The following VWA8 variants were observed in gnomAD, a reference collection of about 807,000 sequenced individuals.
The protein encoded by VWA8 is von Willebrand factor A domain containing 8, also known as von Willebrand factor A domain-containing protein 8.
A neutral mutation model predicts 241.5 loss-of-function variants in VWA8; 221 were observed. The observed-to-expected ratio is 0.91, with a 90% CI of 0.82 to 1.02. VWA8 has a LOEUF of 1.02. Ranked by LOEUF, VWA8 falls within the 50% of genes least tolerant of loss-of-function variation. The probability of loss-of-function intolerance (pLI) is 0.00; values close to 1 mark genes in which losing one functional copy is unlikely to be tolerated. For missense variants in VWA8, 2,322 were observed against 2,328.7 expected (o/e 1.00, Z 0.06); for synonymous variants, 852 against 827.1 (o/e 1.03, Z -0.52).
intron 14 of VWA8, among the ~76,000 whole-genome samples, chr13:41,825,098 T>C (rs1871124997): frequency 6.6e-6 from 1 of 152,212 alleles, no homozygotes; most frequent in Non-Finnish European, 1.5e-5. Flanking sequence ...TATACAGACC[T>C]GCAGTCTAAC....
At chr13:41,894,910 A>G (rs772865576) in intron 4 of VWA8, among the ~76,000 whole-genome samples, 11 of 152,158 alleles carry the variant, frequency 7.2e-5, no homozygotes, top group Non-Finnish European at 1.3e-4. Flanking sequence ...AAATTGAGCA[A>G]CATTTTGCAA....
chr13:41,745,913 G>T (rs994896418), intron 21 of VWA8, among the ~76,000 whole-genome samples: 6 of 151,778 alleles, frequency 4.0e-5, no homozygotes, highest in Non-Finnish European at 7.4e-5. Flanking sequence ...GAATATCACT[G>T]ATTTCATCAT....
At chr13:41,608,165 AC>A (rs1399440811) in intron 39 of VWA8, among the ~76,000 whole-genome samples, 10 of 152,252 alleles carry the variant, frequency 6.6e-5, no homozygotes, top group Admixed American at 3.3e-4. Context: ...TTATAGGCCT[AC>A]CACTGGTGCG....
At chr13:41,905,023 T>C (rs1346619803) in intron 4 of VWA8, 1 of 152,146 alleles carries the variant, frequency 6.6e-6, no homozygotes, top group African/African-American at 2.4e-5. Context: ...GGATATTATG[T>C]GAATCACTAG....
chr13:41,741,951 T>C (rs999990221), intron 21 of VWA8, among the ~76,000 whole-genome samples: 9 of 152,190 alleles, frequency 5.9e-5, no homozygotes, highest in East Asian at 1.9e-4. Flanking sequence ...GTCCTGATTA[T>C]GGAATTTGAT....
intron 35 of VWA8, among the ~76,000 whole-genome samples, chr13:41,681,022 G>T (rs1417393900): frequency 6.6e-6 from 1 of 152,174 alleles, no homozygotes; most frequent in African/African-American, 2.4e-5. Context: ...TCTCTGCATT[G>T]TTCAATGCTA....
At chr13:41,568,389 A>G in intron 44 of VWA8, 84 bp from the exon 45 acceptor site, 1 of 1,082,802 alleles carries the variant, frequency 9.2e-7, no homozygotes, top group Non-Finnish European at 1.4e-6. Context: ...ACAGCCCCCT[A>G]ATGGTTTCTT....
chr13:41,650,749 A>T (rs192618322), intron 37 of VWA8, among the ~76,000 whole-genome samples: 1 of 152,196 alleles, frequency 6.6e-6, no homozygotes, highest in African/African-American at 2.4e-5. Context: ...ACACATGTCA[A>T]AGTCAGAGAT....
chr13:41,709,335 C>A lies in VWA8; in HGVS notation c.3117-5924G>T, dbSNP rs187877275. Among the ~76,000 whole-genome samples, 6 of 152,310 alleles carry A rather than the reference C, an allele frequency of 3.9e-5. No individual in the cohort carries two copies. In the East Asian group the frequency reaches 1.2e-3, roughly 29 times the overall value. On this transcript the variant is annotated intron_variant, in intron 26 of 44. Transcript: ENST00000379310. ...TTGTACCTCTTTTTCATTGCCACGGCCACAATGTGGGCCTCATTCTTCATC... is the reference window on the plus strand; with the variant it reads ...TTGTACCTCTTTTTCATTGCCACGGACACAATGTGGGCCTCATTCTTCATC...
intron 7 of VWA8, 51 bp from the exon 8 acceptor site, chr13:41,886,079 T>A: frequency 8.0e-7 from 1 of 1,248,924 alleles, no homozygotes. Flanking sequence ...ATAAAATGTG[T>A]AAGTTGTTAA....
chr13:41,867,781 A>G (rs1019173671), intron 10 of VWA8, among the ~76,000 whole-genome samples: 1 of 152,104 alleles, frequency 6.6e-6, no homozygotes, highest in East Asian at 1.9e-4. Flanking sequence ...TCAGGAGGCT[A>G]AGGCAGGAGT....
chr13:41,873,214 C>T (rs902780568), intron 9 of VWA8, among the ~76,000 whole-genome samples: 2 of 151,746 alleles, frequency 1.3e-5, no homozygotes, highest in African/African-American at 4.8e-5. Flanking sequence ...GCACTAAATG[C>T]CCACAAGAGA....
At chr13:41,609,491 A>G (rs958409292) in intron 39 of VWA8, among the ~76,000 whole-genome samples, 1 of 152,210 alleles carries the variant, frequency 6.6e-6, no homozygotes, top group Non-Finnish European at 1.5e-5. Context: ...GAAGACTAGG[A>G]GTAGAGCCAG....
Position 41,891,485 on chromosome 13 carries a change from T to C in VWA8, c.586A>G (p.Arg196Gly). 2 of 1,614,262 alleles carry C rather than the reference T, an allele frequency of 1.2e-6. No homozygotes were observed. Among genetic ancestry groups the C allele is most frequent in the African/African-American group, 2.7e-5 (2 of 75,080 alleles). Residue 196 changes from arginine (R) to glycine (G), a missense_variant, in exon 5 of 45, where the codon AGA becomes GGA. By Grantham distance (125) the Arg-to-Gly change is moderately radical (BLOSUM62 -2). Coordinates refer to ENST00000379310, the MANE Select transcript of VWA8 (RefSeq NM_015058.2). ...CGTCCATCTTCAAGCTGCATCTCTCTGTTTTCCAGCAAGTTGTTCAAAACA... is the reference window on the plus strand; with the variant it reads ...CGTCCATCTTCAAGCTGCATCTCTCCGTTTTCCAGCAAGTTGTTCAAAACA... ...LPVLNNLLEN[R>G]EMQLEDGRFL...
At chr13:41,740,016 G>A (rs375746239) in intron 21 of VWA8, among the ~76,000 whole-genome samples, 466 of 151,604 alleles carry the variant, frequency 3.1e-3, no homozygotes, top group African/African-American at 9.7e-3. Flanking sequence ...CACCATGCCC[G>A]GCTAATTTTT....
intron 23 of VWA8, among the ~76,000 whole-genome samples, chr13:41,728,141 G>A (rs2137859235): frequency 6.8e-6 from 1 of 146,732 alleles, no homozygotes; most frequent in South Asian, 2.2e-4. Context: ...GAGTTTGGAA[G>A]AGCCTACTCT....
intron 26 of VWA8, chr13:41,719,195 GA>G: frequency 2.4e-6 from 1 of 417,064 alleles, no homozygotes. Flanking sequence ...TTATCATAAA[GA>G]AAACTATATA....
At position 41,664,816 on chromosome 13, in the gene VWA8, T is replaced by G. The variant is rs1250453236; in HGVS notation, c.4611+6130A>C. On this transcript the variant is annotated intron_variant, in intron 37 of 44. Coordinates refer to ENST00000379310, the MANE Select transcript of VWA8 (RefSeq NM_015058.2). ...ACAGGATTCCAATTTGCCCTGTGTTTTTGTTGCTGTTGTTGTTGTTTTCCT... is the reference window on the plus strand; with the variant it reads ...ACAGGATTCCAATTTGCCCTGTGTTGTTGTTGCTGTTGTTGTTGTTTTCCT... Among the ~76,000 whole-genome samples, 4 of 152,284 alleles carry G rather than the reference T, an allele frequency of 2.6e-5. No individual in the cohort carries two copies. In the East Asian group the frequency reaches 7.7e-4, roughly 29 times the overall value.
intron 17 of VWA8, among the ~76,000 whole-genome samples, chr13:41,790,456 T>C (rs574743915): frequency 6.6e-6 from 1 of 152,186 alleles, no homozygotes; most frequent in East Asian, 1.9e-4. Context: ...TTCTGACAAC[T>C]GCATGCAAAT....
Sources: gnomAD v4.1 joint callset for allele counts (sites outside exome capture counted in the v4.1 genomes callset) on GRCh38, gnomAD v4.1.1 for gene constraint, MANE v1.5 for transcripts, NCBI Gene and HGNC (gene_info 2026-07-23, HGNC 2026-07-21) for gene names.